DAB1: variants seen among roughly 807,000 people sequenced by gnomAD.
The protein encoded by DAB1 is DAB adaptor protein 1.
A neutral mutation model predicts 64.6 loss-of-function variants in DAB1; 15 were observed. The ratio of observed to expected loss-of-function variants is 0.23; its 90% CI spans 0.16 to 0.36. The LOEUF (loss-of-function observed/expected upper bound fraction) is 0.36, where lower values mean the gene tolerates loss of function less well. DAB1 is among the 10% of genes least tolerant of loss of function. DAB1 has a pLI of 1.00. For synonymous variants in DAB1, 235 were observed against 251.9 expected, an observed-to-expected ratio of 0.93 and a Z score of 0.64; for missense variants, 596 against 706.7, an observed-to-expected ratio of 0.84 and a Z score of 1.78.
intron 5 of DAB1, among the ~76,000 whole-genome samples, chr1:57,991,241 C>T (rs911779155): frequency 2.0e-5 from 3 of 152,136 alleles, no homozygotes; most frequent in Non-Finnish European, 2.9e-5. Flanking sequence ...ACATTACCTC[C>T]AATGAGTGTG....
intron 1 of DAB1, among the ~76,000 whole-genome samples, chr1:57,418,283 C>A (rs1684642703): frequency 6.6e-6 from 1 of 151,956 alleles, no homozygotes; most frequent in African/African-American, 2.4e-5. Context: ...AGTTGCAACA[C>A]TAACATGAAT....
At chr1:57,584,703 C>A (rs1447878476) in intron 7 of DAB1, among the ~76,000 whole-genome samples, 1 of 152,206 alleles carries the variant, frequency 6.6e-6, no homozygotes, top group East Asian at 1.9e-4. Context: ...AAGCCAAATG[C>A]AGAACATTCT....
At chr1:57,748,955 T>TA (rs1207711832) in intron 6 of DAB1, among the ~76,000 whole-genome samples, 2 of 152,222 alleles carry the variant, frequency 1.3e-5, no homozygotes, top group Non-Finnish European at 2.9e-5. Flanking sequence ...ATTGCCCACA[T>TA]AAAATGCATT....
intron 7 of DAB1, among the ~76,000 whole-genome samples, chr1:57,547,928 T>C (rs1014236203): frequency 1.3e-5 from 2 of 152,198 alleles, no homozygotes; most frequent in African/African-American, 4.8e-5. Context: ...TCAATCCTTG[T>C]TCTTCCAGTA....
chr1:57,725,908 C>T (rs748119184), intron 6 of DAB1, among the ~76,000 whole-genome samples: 11 of 152,096 alleles, frequency 7.2e-5, no homozygotes, highest in South Asian at 2.1e-4. Flanking sequence ...CATACCTCCA[C>T]GCCTGGCTAA....
rs551908070 is a variant in DAB1, at chr1:58,505,870, T to C, written n.257+190A>G. Among the ~76,000 whole-genome samples, 22 of 152,352 alleles carry C rather than the reference T, an allele frequency of 1.4e-4. No homozygotes were observed. In the South Asian group the frequency reaches 3.7e-3, roughly 26 times the overall value. On this transcript the variant is annotated intron_variant and non_coding_transcript_variant, in intron 3 of 20. Transcript: ENST00000485760. Reference sequence around the variant, plus strand: ...AAAGTCAACTGTACATAGTAATTTATTCTCCAAGACTTGTGGACAAGCAGA... The same window carrying C: ...AAAGTCAACTGTACATAGTAATTTACTCTCCAAGACTTGTGGACAAGCAGA...
intron 5 of DAB1, among the ~76,000 whole-genome samples, chr1:57,929,687 G>A (rs1644928394): frequency 6.6e-6 from 1 of 152,130 alleles, no homozygotes; most frequent in Non-Finnish European, 1.5e-5. Flanking sequence ...TTGGCTTCTG[G>A]TGAGGGCTTT....
Position 56,996,954 on chromosome 1 carries a change from A to T in DAB1, c.*1190T>A, listed in dbSNP as rs1645647970. 6.6e-6 allele frequency: 1 copy of T among 151,974 alleles called. No homozygotes were observed. The highest frequency in any genetic ancestry group is 2.4e-5 in the African/African-American group (1 of 41,240). The allele number at this position is 151,974 out of a possible 1,614,324, so 9.4% of individuals were successfully genotyped here. A position where few individuals can be genotyped will look rare whatever the true frequency, so the allele number is the denominator to read the frequency against. ...TTAAATATTTAAAGAGTTTAATGGT[A>T]AGGTTTTTTTTTCAAGTTATAAAAT... On this transcript the variant is annotated 3_prime_UTR_variant, in exon 15 of 15. Transcript: ENST00000371236.
At chr1:57,841,564 C>T (rs1406741919) in intron 1 of DAB1, among the ~76,000 whole-genome samples, 1 of 152,234 alleles carries the variant, frequency 6.6e-6, no homozygotes, top group Non-Finnish European at 1.5e-5. Flanking sequence ...GTCTTCTGCA[C>T]ACCTGCAGGC....
At chr1:58,456,096 A>T (rs552316439) in intron 3 of DAB1, among the ~76,000 whole-genome samples, 1 of 152,380 alleles carries the variant, frequency 6.6e-6, no homozygotes, top group Admixed American at 6.5e-5. Flanking sequence ...AAAGTATGGA[A>T]AGCATTCAGT....
At chr1:58,500,840 A>T (rs759113378) in intron 3 of DAB1, among the ~76,000 whole-genome samples, 1 of 152,226 alleles carries the variant, frequency 6.6e-6, no homozygotes, top group Admixed American at 6.5e-5. Context: ...TTCAGTTTTA[A>T]AATAAATCTT....
intron 4 of DAB1, among the ~76,000 whole-genome samples, chr1:58,232,186 T>A (rs909032052): frequency 4.6e-5 from 7 of 152,136 alleles, no homozygotes; most frequent in Non-Finnish European, 8.8e-5. Context: ...GATTAAATAA[T>A]CTTCCCAAAG....
chr1:58,435,934 G>T (rs777700484), intron 3 of DAB1, among the ~76,000 whole-genome samples: 98 of 152,232 alleles, frequency 6.4e-4, no homozygotes, highest in Non-Finnish European at 1.2e-3. Context: ...GGGCCACCAT[G>T]GAGTAGAGGA....
At chr1:57,521,955 T>TA (rs1644532203) in intron 7 of DAB1, among the ~76,000 whole-genome samples, 2 of 151,814 alleles carry the variant, frequency 1.3e-5, no homozygotes, top group African/African-American at 2.4e-5. Context: ...AGTAAAAATA[T>TA]AAAAAATAGC....
At position 58,447,857 on chromosome 1, in the gene DAB1, C is replaced by CCA. The variant is rs1553183233; in HGVS notation, n.257+58202_257+58203insTG. Among the ~76,000 whole-genome samples, 164 of 43,980 alleles carry CCA rather than the reference C, an allele frequency of 3.7e-3. 4 individuals are homozygous for CCA. In the South Asian group the frequency reaches 0.081, roughly 22 times the overall value. 28.9% of individuals were successfully genotyped at this position (43,980 alleles called of 152,430 possible). On this transcript the variant is annotated intron_variant and non_coding_transcript_variant, in intron 3 of 20. Coordinates refer to the DAB1 transcript ENST00000485760. Reference sequence around the variant, plus strand: ...TTAACTCAACTAAAAATGACTTAAACAAAAAAAAAAAAAAAGTCTTATGCA... The same window carrying CCA: ...TTAACTCAACTAAAAATGACTTAAACCAAAAAAAAAAAAAAAAGTCTTATGCA...
Position 58,218,148 on chromosome 1 carries a change from G to C in DAB1, n.310-67560C>G, listed in dbSNP as rs1372915761. 2.0e-5 allele frequency among the ~76,000 whole-genome samples: 3 copies of C among 152,092 alleles called. No homozygotes were observed. The East Asian group carries it at 5.8e-4, about 29-fold the overall frequency. On this transcript the variant is annotated intron_variant and non_coding_transcript_variant, in intron 4 of 20. Coordinates refer to the DAB1 transcript ENST00000485760. ...GGTGAGCTGGTCTCCAGTCCAGTAG[G>C]GGGACAGAGAGAAAGGCTGACGTAA...
intron 7 of DAB1, among the ~76,000 whole-genome samples, chr1:57,521,285 T>TTTTAGGAAAAAGGACAGATGTGCCAC (rs879659952): frequency 8.5e-5 from 13 of 152,122 alleles, no homozygotes; most frequent in Non-Finnish European, 1.6e-4. Context: ...ACAAAGCCAA[T>TTTTAGGAAAAAGGACAGATGTGCCAC]TTTAGGAAAA....
At chr1:58,459,699 C>A (rs544982825) in intron 3 of DAB1, among the ~76,000 whole-genome samples, 4 of 152,288 alleles carry the variant, frequency 2.6e-5, no homozygotes, top group African/African-American at 7.2e-5. Context: ...GTCACAGGGC[C>A]GGGTATGGTG....
At chr1:57,087,863 G>T (rs1420523376) in intron 4 of DAB1, among the ~76,000 whole-genome samples, 1 of 152,146 alleles carries the variant, frequency 6.6e-6, no homozygotes, top group Non-Finnish European at 1.5e-5. Context: ...TTCCACTGAT[G>T]AATCTGTGCA....
Sources: gnomAD v4.1 joint callset for allele counts (sites outside exome capture counted in the v4.1 genomes callset) on GRCh38, gnomAD v4.1.1 for gene constraint, MANE v1.5 for transcripts, NCBI Gene and HGNC (gene_info 2026-07-23, HGNC 2026-07-21) for gene names.